Variants in ADAM29 observed in about 807,000 individuals in gnomAD.
ADAM29 encodes the protein disintegrin and metalloproteinase domain-containing protein 29.
For synonymous variants in ADAM29, 367 were observed against 342.3 expected, an observed-to-expected ratio of 1.07 and a Z score of -0.80; for missense variants, 969 against 1,001.8, an observed-to-expected ratio of 0.97 and a Z score of 0.44.
intron 2 of ADAM29, among the ~76,000 whole-genome samples, chr4:174,927,071 A>C (rs1484168019): frequency 6.6e-6 from 1 of 152,242 alleles, no homozygotes; most frequent in African/African-American, 2.4e-5. Flanking sequence ...TAGATACCAC[A>C]ACAAATCTCT....
intron 3 of ADAM29, among the ~76,000 whole-genome samples, chr4:174,934,314 C>G (rs1440399636): frequency 6.6e-6 from 1 of 151,810 alleles, no homozygotes; most frequent in African/African-American, 2.4e-5. Context: ...CTTTGATATA[C>G]CAGCATTATT....
chr4:174,932,086 C>T (rs940212340), intron 3 of ADAM29, among the ~76,000 whole-genome samples: 2 of 151,958 alleles, frequency 1.3e-5, no homozygotes, highest in East Asian at 1.9e-4. Flanking sequence ...GTCAGGATTT[C>T]GAGACCAGCC....
At chr4:174,959,297 T>C (rs756498667) in intron 4 of ADAM29, among the ~76,000 whole-genome samples, 12 of 151,924 alleles carry the variant, frequency 7.9e-5, no homozygotes, top group Non-Finnish European at 1.2e-4. Context: ...ATAATCTTCT[T>C]GTTTTCATTA....
chr4:174,949,241 T>C (rs1042638996), intron 4 of ADAM29, among the ~76,000 whole-genome samples: 1 of 152,110 alleles, frequency 6.6e-6, no homozygotes, highest in African/African-American at 2.4e-5. Context: ...GTCCAGGTCC[T>C]ACAGTCACCC....
chr4:174,967,227 A>G (rs553486513), intron 4 of ADAM29, among the ~76,000 whole-genome samples: 1 of 152,246 alleles, frequency 6.6e-6, no homozygotes, highest in African/African-American at 2.4e-5. Context: ...TATTTTTCTT[A>G]TTTTATTCTC....
chr4:174,964,911 A>T (rs1248718113), intron 4 of ADAM29, among the ~76,000 whole-genome samples: 1 of 152,054 alleles, frequency 6.6e-6, no homozygotes, highest in Non-Finnish European at 1.5e-5. Flanking sequence ...GGCAAAAAAA[A>T]TAAAAAATAA....
In ADAM29 at chr4:174,977,507, G is replaced by A; in HGVS notation, c.1982G>A (p.Ser661Asn). The A allele has an allele frequency of 6.2e-7, 1 of 1,614,226 alleles. No individual in the cohort carries two copies. Among genetic ancestry groups the A allele is most frequent in the Non-Finnish European group, 8.5e-7 (1 of 1,180,050 alleles). Residue 661 changes from serine to asparagine, a missense_variant, in exon 5 of 5, where the codon AGT becomes AAT. By Grantham distance (46) the Ser-to-Asn change is conservative. Coordinates refer to ENST00000359240, the MANE Select transcript of ADAM29 (RefSeq NM_014269.4). ...PNCLIKGYGG[S>N]VDSGPPPKRK... The stretch of plus-strand genomic sequence containing the variant: ...TGCCTGATAAAAGGCTATGGAGGTA[G>A]TGTTGACAGTGGCCCACCCCCTAAG...
chr4:174,926,736 A>C (rs1210189704), intron 2 of ADAM29, among the ~76,000 whole-genome samples: 1 of 151,882 alleles, frequency 6.6e-6, no homozygotes, highest in Non-Finnish European at 1.5e-5. Flanking sequence ...AAAAAAAAAA[A>C]AATGAAACAT....
chr4:174,953,255 T>C (rs11133070), intron 4 of ADAM29, among the ~76,000 whole-genome samples: 63,611 of 151,790 alleles, frequency 0.42, 13,873 homozygotes, highest in African/African-American at 0.54. Context: ...CACTGCACTC[T>C]AGCCTGGGCA....
intron 4 of ADAM29, among the ~76,000 whole-genome samples, chr4:174,939,922 C>T (rs987758750): frequency 6.6e-6 from 1 of 151,980 alleles, no homozygotes; most frequent in Admixed American, 6.6e-5. Context: ...TTTCCTTTTT[C>T]TCCCTCTCTT....
chr4:174,937,078 C>T (rs916584503), intron 4 of ADAM29, 65 bp downstream of exon 4: 1 of 151,944 alleles, frequency 6.6e-6, no homozygotes, highest in African/African-American at 2.4e-5. Flanking sequence ...CACAATAAAA[C>T]ACACATTTTA....
At chr4:174,949,744 G>A (rs1745065431) in intron 4 of ADAM29, among the ~76,000 whole-genome samples, 1 of 151,868 alleles carries the variant, frequency 6.6e-6, no homozygotes, top group Non-Finnish European at 1.5e-5. Flanking sequence ...TCCTATTTCT[G>A]TTTCTGAACC....
rs1456512629 is a variant in ADAM29 at position 174,976,346 on chromosome 4, C to T, written c.821C>T (p.Ser274Leu). ...GTGCACCTGTATTGCAAGTGGAAGTCGGAGAACATTACGCCCCGGATGCAA... is the reference window on the plus strand; with the variant it reads ...GTGCACCTGTATTGCAAGTGGAAGTTGGAGAACATTACGCCCCGGATGCAA... ...KSVHLYCKWK[S>L]ENITPRMQHD... The change falls in exon 5 of 5, where the codon TCG becomes TTG. Residue 274 changes from serine to leucine, a missense_variant. By Grantham distance (145) the Ser-to-Leu change is moderately radical (BLOSUM62 -2). Transcript: ENST00000359240. 24 of 1,609,652 alleles carry T rather than the reference C, an allele frequency of 1.5e-5. No individual in the cohort carries two copies. The highest frequency in any genetic ancestry group is 2.0e-5 in the Non-Finnish European group (23 of 1,178,482).
At chr4:174,932,396 A>G (rs571986225) in intron 3 of ADAM29, among the ~76,000 whole-genome samples, 1 of 152,330 alleles carries the variant, frequency 6.6e-6, no homozygotes, top group South Asian at 2.1e-4. Flanking sequence ...AACTTCAAAT[A>G]TTAGGATCTA....
intron 4 of ADAM29, among the ~76,000 whole-genome samples, chr4:174,969,692 A>G (rs939022101): frequency 3.3e-5 from 5 of 152,064 alleles, no homozygotes; most frequent in Non-Finnish European, 7.4e-5. Context: ...ATGCTTTTAC[A>G]TTTCAAAATA....
At chr4:174,936,830 T>G (rs1744231322) in intron 3 of ADAM29, 103 bp from the exon 4 acceptor site, 1 of 151,830 alleles carries the variant, frequency 6.6e-6, no homozygotes, top group Non-Finnish European at 1.5e-5. Context: ...ATTTGGAGAG[T>G]GATCTCGTTC....
chr4:174,922,503 T>C (rs1396932507), intron 2 of ADAM29, among the ~76,000 whole-genome samples: 2 of 152,082 alleles, frequency 1.3e-5, no homozygotes, highest in African/African-American at 4.8e-5. Context: ...TGAAGCTTTT[T>C]GATGAGGCTG....
intron 3 of ADAM29, among the ~76,000 whole-genome samples, chr4:174,933,647 G>T (rs559055934): frequency 6.6e-6 from 1 of 152,156 alleles, no homozygotes; most frequent in East Asian, 1.9e-4. Flanking sequence ...TCCTCAAGGA[G>T]ACCCCAATGT....
At chr4:174,969,218 T>C (rs922411452) in intron 4 of ADAM29, among the ~76,000 whole-genome samples, 1 of 151,550 alleles carries the variant, frequency 6.6e-6, no homozygotes, top group Non-Finnish European at 1.5e-5. Context: ...GTGCACATTG[T>C]TGAAGACAGT....
Sources: gnomAD v4.1 joint callset for allele counts (sites outside exome capture counted in the v4.1 genomes callset) on GRCh38, gnomAD v4.1.1 for gene constraint, MANE v1.5 for transcripts, NCBI Gene and HGNC (gene_info 2026-07-23, HGNC 2026-07-21) for gene names.